Variants in MYOM1 observed in about 807,000 individuals in gnomAD.
MYOM1 encodes the protein myomesin-1.
MYOM1 carries 164 observed loss-of-function variants against 205.3 expected under a neutral mutation model. That is an observed-to-expected ratio of 0.80 (90% CI 0.70 to 0.91). The LOEUF (loss-of-function observed/expected upper bound fraction) is 0.91, where lower values mean the gene tolerates loss of function less well. Among genes scored for constraint, MYOM1 ranks in the 40% least tolerant of loss-of-function variants. MYOM1 has a pLI of 0.00. For synonymous variants in MYOM1, 772 were observed against 789.4 expected (o/e 0.98, Z 0.37); for missense variants, 2,011 against 2,127.3 (o/e 0.95, Z 1.08).
At chr18:3,190,174 T>G (rs28713365) in intron 3 of MYOM1, among the ~76,000 whole-genome samples, 13,792 of 152,234 alleles carry the variant, frequency 0.091, 896 homozygotes, top group African/African-American at 0.19. Context: ...TGTGCTGTGA[T>G]TTATTCATGT....
the MYOM1 span, among the ~76,000 whole-genome samples, chr18:3,234,859 T>C: frequency 2.0e-5 from 3 of 152,218 alleles, no homozygotes; most frequent in Non-Finnish European, 4.4e-5. Flanking sequence ...GAGTACACTC[T>C]CCATTTGAAT....
At chr18:3,216,262 G>A (rs2081265951) in intron 1 of MYOM1, among the ~76,000 whole-genome samples, 1 of 152,150 alleles carries the variant, frequency 6.6e-6, no homozygotes, top group Non-Finnish European at 1.5e-5. Context: ...GAAAGACTCT[G>A]TCTCACAATG....
the MYOM1 span, among the ~76,000 whole-genome samples, chr18:3,239,345 G>A: frequency 3.3e-5 from 5 of 152,280 alleles, no homozygotes; most frequent in Admixed American, 1.3e-4. Flanking sequence ...GTGGGGGCTC[G>A]TGAGAGCCAT....
intron 33 of MYOM1, among the ~76,000 whole-genome samples, chr18:3,080,006 C>T (rs961522206): frequency 1.3e-5 from 2 of 152,080 alleles, no homozygotes; most frequent in African/African-American, 4.8e-5. Context: ...GGAAATACAA[C>T]CCTTTTTTGT....
intron 31 of MYOM1, among the ~76,000 whole-genome samples, chr18:3,084,354 T>G (rs1457107057): frequency 6.6e-6 from 1 of 152,058 alleles, no homozygotes; most frequent in Non-Finnish European, 1.5e-5. Context: ...CCAGGAAGCC[T>G]TAGTTTACAT....
the MYOM1 span, among the ~76,000 whole-genome samples, chr18:3,237,292 T>C: frequency 6.6e-6 from 1 of 152,008 alleles, no homozygotes; most frequent in Non-Finnish European, 1.5e-5. Context: ...TCGTGGAATA[T>C]CATTCAGCCT....
chr18:3,221,744 C>T (rs1397657383), upstream of MYOM1, among the ~76,000 whole-genome samples: 2 of 152,198 alleles, frequency 1.3e-5, no homozygotes, highest in African/African-American at 4.8e-5. Context: ...AGAATCTGTT[C>T]CACCTAGTTC....
intron 4 of MYOM1, among the ~76,000 whole-genome samples, chr18:3,187,861 T>C (rs796764365): frequency 1.0e-4 from 14 of 139,154 alleles, no homozygotes; most frequent in Admixed American, 2.8e-4. Context: ...CTTTTTCTTT[T>C]TTTTTTTTTT....
At position 3,134,824 on chromosome 18, in the gene MYOM1, T is replaced by A. The variant is rs753934207; in HGVS notation, c.2210A>T (p.Asp737Val). 1 of 1,614,010 alleles carries A rather than the reference T, an allele frequency of 6.2e-7. No homozygotes were observed. The highest frequency in any genetic ancestry group is 8.5e-7 in the Non-Finnish European group (1 of 1,179,892). The change falls in exon 16 of 38, where the codon GAT becomes GTT. Residue 737 changes from aspartate to valine, a missense_variant and splice_region_variant. Asp to Val is a radical substitution (Grantham distance 152, BLOSUM62 -3). Transcript: ENST00000356443. ...GATTTTGCCAGGAGCCTTGGGGATA[T>A]CTGAGAAAGAGGAAAATGGTGATCA... Reference protein sequence around the residue: ...TEVTVVGDKLDIPKAPGKIIP... With the variant: ...TEVTVVGDKLVIPKAPGKIIP...
chr18:3,151,583 G>T, intron 12 of MYOM1, 111 bp downstream of exon 12: 1 of 901,206 alleles, frequency 1.1e-6, no homozygotes, highest in Non-Finnish European at 1.6e-6. Flanking sequence ...AGGATTTCTT[G>T]TTCTTGTCTC....
intron 1 of MYOM1, among the ~76,000 whole-genome samples, chr18:3,218,999 A>G (rs2081301455): frequency 6.6e-6 from 1 of 152,202 alleles, no homozygotes; most frequent in Non-Finnish European, 1.5e-5. Flanking sequence ...CAAAGGTACA[A>G]CCACCTCCTC....
intron 35 of MYOM1, 73 bp downstream of exon 35, chr18:3,075,652 A>G: frequency 6.6e-7 from 1 of 1,510,572 alleles, no homozygotes; most frequent in Non-Finnish European, 9.2e-7. Context: ...TAACACTCAG[A>G]GGGGCGAGCA....
At chr18:3,243,962 T>G in the MYOM1 span, among the ~76,000 whole-genome samples, 2 of 152,180 alleles carry the variant, frequency 1.3e-5, no homozygotes, top group African/African-American at 4.8e-5. Flanking sequence ...GAGCAATGGA[T>G]AGTGACCTTG....
intron 27 of MYOM1, among the ~76,000 whole-genome samples, chr18:3,089,905 C>T (rs1567899582): frequency 6.6e-6 from 1 of 152,182 alleles, no homozygotes; most frequent in Non-Finnish European, 1.5e-5. Context: ...AGCTGATTTA[C>T]TACAATCCAG....
the MYOM1 span, among the ~76,000 whole-genome samples, chr18:3,233,533 A>C: frequency 6.6e-6 from 1 of 152,192 alleles, no homozygotes; most frequent in East Asian, 1.9e-4. Flanking sequence ...GACCCTGGTA[A>C]AGCCCCTCCA....
At chr18:3,196,372 A>G (rs1458503180) in intron 2 of MYOM1, among the ~76,000 whole-genome samples, 7 of 152,218 alleles carry the variant, frequency 4.6e-5, no homozygotes, top group Non-Finnish European at 8.8e-5. Flanking sequence ...CTTAAATCAA[A>G]GAGTTAAATA....
chr18:3,068,445 T>C (rs576884232), intron 37 of MYOM1, among the ~76,000 whole-genome samples: 1 of 151,504 alleles, frequency 6.6e-6, no homozygotes, highest in East Asian at 1.9e-4. Context: ...TTTGTGTTTG[T>C]GTGTGTTTCA....
intron 6 of MYOM1, among the ~76,000 whole-genome samples, chr18:3,174,462 C>G (rs1254577798): frequency 1.3e-5 from 2 of 149,880 alleles, no homozygotes; most frequent in Non-Finnish European, 3.0e-5. Context: ...CACTGTGACC[C>G]TAGCCTGGGT....
chr18:3,182,913 CT>C (rs549386891), intron 5 of MYOM1, among the ~76,000 whole-genome samples: 1,268 of 92,098 alleles, frequency 0.014, no homozygotes, highest in African/African-American at 0.033. Context: ...TTTCTTTCTT[CT>C]TTTTTTTTTT....
Sources: allele counts gnomAD v4.1 joint callset (sites outside exome capture counted in the v4.1 genomes callset), GRCh38; gene constraint gnomAD v4.1.1; transcripts MANE v1.5; gene names NCBI Gene and HGNC (gene_info 2026-07-23, HGNC 2026-07-21).